The following ADGRB3 variants were observed in gnomAD, a reference collection of about 807,000 sequenced individuals.
ADGRB3 encodes the protein brain-specific angiogenesis inhibitor 3.
A neutral mutation model predicts 193.4 loss-of-function variants in ADGRB3; 37 were observed. The observed-to-expected ratio is 0.19, with a 90% CI of 0.15 to 0.25. ADGRB3 has a LOEUF of 0.25. Ranked by LOEUF, ADGRB3 falls within the 10% of genes least tolerant of loss-of-function variation. The pLI, the probability that ADGRB3 is intolerant of heterozygous loss-of-function variation, is 1.00. For synonymous variants in ADGRB3, 690 were observed against 644.2 expected (o/e 1.07, Z -1.08); for missense variants, 1,637 against 1,852.9 (o/e 0.88, Z 2.14).
At chr6:68,712,896 A>T (rs900312701) in intron 3 of ADGRB3, among the ~76,000 whole-genome samples, 2 of 151,444 alleles carry the variant, frequency 1.3e-5, no homozygotes, top group Non-Finnish European at 3.0e-5. Context: ...TGATAATTTT[A>T]CTAATTAATA....
intron 15 of ADGRB3, among the ~76,000 whole-genome samples, chr6:69,057,779 A>G (rs891017465): frequency 6.6e-6 from 1 of 152,064 alleles, no homozygotes; most frequent in Non-Finnish European, 1.5e-5. Context: ...TCAGAAATAA[A>G]TCTCTCTTGG....
intron 3 of ADGRB3, among the ~76,000 whole-genome samples, chr6:68,654,484 TAAAC>T (rs1042209000): frequency 6.6e-6 from 1 of 151,856 alleles, no homozygotes; most frequent in Non-Finnish European, 1.5e-5. Flanking sequence ...AATGAAAAAA[TAAAC>T]ACTTTCTGCT....
chr6:68,868,911 A>ATGTGTGTGTGTGTGTGTGTGTGTGTG (rs375255522), intron 3 of ADGRB3, among the ~76,000 whole-genome samples: 1 of 139,754 alleles, frequency 7.2e-6, no homozygotes, highest in African/African-American at 2.7e-5. Context: ...CCAGATAATG[A>ATGTGTGTGTGTGTGTGTGTGTGTGTG]TGTGTGTGTG....
intron 3 of ADGRB3, among the ~76,000 whole-genome samples, chr6:68,833,444 T>C (rs960662212): frequency 6.6e-6 from 1 of 151,602 alleles, no homozygotes; most frequent in African/African-American, 2.4e-5. Flanking sequence ...CTTCAGTTTG[T>C]GGCTTTGGTC....
At chr6:69,234,409 A>G (rs1766217544) in intron 18 of ADGRB3, among the ~76,000 whole-genome samples, 1 of 149,126 alleles carries the variant, frequency 6.7e-6, no homozygotes, top group Non-Finnish European at 1.5e-5. Context: ...ATCTCCACAT[A>G]TTTTGTTCAT....
At chr6:69,175,510 G>A (rs1460128394) in intron 17 of ADGRB3, among the ~76,000 whole-genome samples, 2 of 152,110 alleles carry the variant, frequency 1.3e-5, no homozygotes, top group African/African-American at 4.8e-5. Context: ...GTCTGTTTTT[G>A]TACAAGTGCC....
At chr6:68,839,146 G>A (rs1029449044) in intron 3 of ADGRB3, among the ~76,000 whole-genome samples, 1 of 150,786 alleles carries the variant, frequency 6.6e-6, no homozygotes, top group Non-Finnish European at 1.5e-5. Flanking sequence ...CCTATAACAA[G>A]TCATTAAGTT....
At chr6:69,057,436 A>G (rs1186859401) in intron 15 of ADGRB3, among the ~76,000 whole-genome samples, 1 of 152,114 alleles carries the variant, frequency 6.6e-6, no homozygotes, top group Admixed American at 6.5e-5. Flanking sequence ...GACTTCTAGT[A>G]CTATGTTGAA....
At chr6:68,655,079 T>G (rs1282925943) in intron 3 of ADGRB3, among the ~76,000 whole-genome samples, 1 of 151,058 alleles carries the variant, frequency 6.6e-6, no homozygotes, top group African/African-American at 2.4e-5. Context: ...GATCATTGAT[T>G]GTTTCTTGGC....
chr6:69,290,763 AG>A (rs1213448955), intron 20 of ADGRB3, among the ~76,000 whole-genome samples: 1 of 152,216 alleles, frequency 6.6e-6, no homozygotes, highest in African/African-American at 2.4e-5. Context: ...CATATATAGC[AG>A]TATCACAGAC....
At chr6:68,749,939 G>A (rs1022854207) in intron 3 of ADGRB3, among the ~76,000 whole-genome samples, 5 of 152,102 alleles carry the variant, frequency 3.3e-5, no homozygotes, top group Admixed American at 3.3e-4. Context: ...ACAATTTAAT[G>A]TGGTCTTATT....
intron 20 of ADGRB3, among the ~76,000 whole-genome samples, chr6:69,279,639 A>G (rs1767390710): frequency 6.6e-6 from 1 of 152,068 alleles, no homozygotes; most frequent in African/African-American, 2.4e-5. Context: ...TCCTGACATT[A>G]CCATTGTCAA....
intron 16 of ADGRB3, among the ~76,000 whole-genome samples, chr6:69,066,693 T>C (rs1044164191): frequency 6.6e-5 from 10 of 152,216 alleles, no homozygotes; most frequent in Non-Finnish European, 1.0e-4. Flanking sequence ...AGTTAGGGTA[T>C]ATGGTCTTTA....
intron 11 of ADGRB3, among the ~76,000 whole-genome samples, chr6:69,004,755 T>A (rs1253855069): frequency 6.6e-6 from 1 of 152,172 alleles, no homozygotes; most frequent in Non-Finnish European, 1.5e-5. Context: ...CCAAAGACAA[T>A]CACATCTGAG....
Position 69,382,931 on chromosome 6 carries a change from G to A in ADGRB3, c.4376G>A (p.Ser1459Asn), listed in dbSNP as rs757714886. Residue 1459 changes from serine (S) to asparagine (N), a missense_variant, in exon 31 of 32, where the codon AGT becomes AAT. Physicochemically the swap from Ser to Asn is conservative, Grantham distance 46. Transcript: ENST00000370598. ...TTTCGGGATATACCAAATACAAGCA[G>A]TATGGTAAGTATGCTTTGCTTCAAT... is the stretch of plus-strand genomic sequence containing the variant. ...DRFRDIPNTS[S>N]MENPAPNKNP... is the part of the protein sequence containing the mutation. 2 of 1,587,520 alleles carry A rather than the reference G, an allele frequency of 1.3e-6. No homozygotes were observed. Among genetic ancestry groups the A allele is most frequent in the South Asian group, 1.1e-5 (1 of 89,706 alleles).
chr6:68,914,141 T>G (rs1766806473), intron 3 of ADGRB3, among the ~76,000 whole-genome samples: 1 of 151,670 alleles, frequency 6.6e-6, no homozygotes, highest in African/African-American at 2.4e-5. Context: ...CCAGGAGAAC[T>G]TCCCCAATCT....
intron 17 of ADGRB3, among the ~76,000 whole-genome samples, chr6:69,139,167 G>A (rs1472979674): frequency 6.6e-6 from 1 of 152,180 alleles, no homozygotes; most frequent in Non-Finnish European, 1.5e-5. Flanking sequence ...CCAAGGTAGC[G>A]CTTTACCGGG....
chr6:69,281,523 C>T (rs1024698239), intron 20 of ADGRB3, among the ~76,000 whole-genome samples: 1 of 152,188 alleles, frequency 6.6e-6, no homozygotes, highest in African/African-American at 2.4e-5. Flanking sequence ...CCTCTTTCTG[C>T]AAATTCTAGA....
intron 3 of ADGRB3, among the ~76,000 whole-genome samples, chr6:68,882,464 C>T (rs537455131): frequency 6.6e-6 from 1 of 152,268 alleles, no homozygotes; most frequent in South Asian, 2.1e-4. Context: ...TCATATTGAG[C>T]ATACAATGAA....
Sources: gnomAD v4.1 joint callset for allele counts (sites outside exome capture counted in the v4.1 genomes callset) on GRCh38, gnomAD v4.1.1 for gene constraint, MANE v1.5 for transcripts, NCBI Gene and HGNC (gene_info 2026-07-23, HGNC 2026-07-21) for gene names.